KAZN: variants seen among roughly 807,000 people sequenced by gnomAD.
KAZN encodes kazrin, periplakin interacting protein.
A neutral mutation model predicts 87.4 loss-of-function variants in KAZN; 40 were observed. The observed-to-expected ratio is 0.46, with a 90% CI of 0.36 to 0.60. KAZN has a LOEUF of 0.60. Among genes scored for constraint, KAZN ranks in the 20% least tolerant of loss-of-function variants. The probability of loss-of-function intolerance (pLI) is 0.00; values close to 1 mark genes in which losing one functional copy is unlikely to be tolerated. For synonymous variants in KAZN, 466 were observed against 458.3 expected (o/e 1.02, Z -0.22); for missense variants, 898 against 1,073.9 (o/e 0.84, Z 2.29).
chr1:14,835,117 C>G (rs559577704), intron 1 of KAZN, among the ~76,000 whole-genome samples: 2 of 152,206 alleles, frequency 1.3e-5, no homozygotes, highest in Non-Finnish European at 2.9e-5. Context: ...ATCCCGCCAG[C>G]GGGATCAGAG....
intron 2 of KAZN, among the ~76,000 whole-genome samples, chr1:14,969,644 A>C (rs1664808740): frequency 6.6e-6 from 1 of 152,200 alleles, no homozygotes; most frequent in Non-Finnish European, 1.5e-5. Flanking sequence ...ATTTTGATCC[A>C]GTTGATAATA....
intron 8 of KAZN, among the ~76,000 whole-genome samples, chr1:15,087,928 G>A (rs1422086851): frequency 5.9e-5 from 9 of 152,132 alleles, no homozygotes; most frequent in Non-Finnish European, 1.3e-4. Context: ...TATCATCCCC[G>A]TTTTACAGAG....
At chr1:14,774,659 T>G (rs1645124661) in intron 1 of KAZN, among the ~76,000 whole-genome samples, 1 of 151,960 alleles carries the variant, frequency 6.6e-6, no homozygotes, top group Admixed American at 6.6e-5. Flanking sequence ...CATTTTAAAA[T>G]TTTTTAGAAG....
At chr1:14,181,990 C>T (rs1470798732) in intron 2 of KAZN, among the ~76,000 whole-genome samples, 1 of 152,070 alleles carries the variant, frequency 6.6e-6, no homozygotes. Context: ...TTACTAGTGC[C>T]TAGAACTGGA....
At chr1:14,428,462 T>TTGATACAA (rs1294543157) in intron 2 of KAZN, among the ~76,000 whole-genome samples, 5 of 152,284 alleles carry the variant, frequency 3.3e-5, no homozygotes, top group African/African-American at 9.6e-5. Context: ...AAACAAGAAT[T>TTGATACAA]TGATACAAAT....
intron 2 of KAZN, among the ~76,000 whole-genome samples, chr1:14,560,308 T>C (rs1392434534): frequency 6.6e-6 from 1 of 152,142 alleles, no homozygotes; most frequent in Non-Finnish European, 1.5e-5. Context: ...ATGGCCTGGG[T>C]TCAAATTCTG....
intron 1 of KAZN, among the ~76,000 whole-genome samples, chr1:14,073,584 T>C (rs996196131): frequency 5.3e-5 from 8 of 152,038 alleles, no homozygotes; most frequent in Non-Finnish European, 7.3e-5. Flanking sequence ...TGGTGTGTGA[T>C]GTTCCCCTCC....
At chr1:15,089,989 C>T (rs1324527149) in intron 8 of KAZN, among the ~76,000 whole-genome samples, 1 of 152,190 alleles carries the variant, frequency 6.6e-6, no homozygotes, top group Admixed American at 6.5e-5. Context: ...TCCCCTCCTT[C>T]GTGATTTCCC....
At chr1:14,883,623 A>G (rs904716656) in intron 1 of KAZN, among the ~76,000 whole-genome samples, 3 of 151,980 alleles carry the variant, frequency 2.0e-5, no homozygotes, top group Non-Finnish European at 4.4e-5. Flanking sequence ...ACTTATTAGA[A>G]TAATGTACCT....
chr1:14,532,881 T>C (rs1366482701), intron 2 of KAZN, among the ~76,000 whole-genome samples: 1 of 152,064 alleles, frequency 6.6e-6, no homozygotes, highest in Non-Finnish European at 1.5e-5. Flanking sequence ...TGTTGGACAT[T>C]TGGGTTGGTT....
intron 2 of KAZN, among the ~76,000 whole-genome samples, chr1:14,465,518 C>G (rs569229701): frequency 3.3e-5 from 5 of 151,798 alleles, no homozygotes; most frequent in South Asian, 4.2e-4. Context: ...AGCACAGAAC[C>G]AAGGTAGTAG....
At chr1:14,117,175 G>A (rs1644641685) in intron 1 of KAZN, among the ~76,000 whole-genome samples, 1 of 152,170 alleles carries the variant, frequency 6.6e-6, no homozygotes, top group Non-Finnish European at 1.5e-5. Flanking sequence ...TTTGATATGT[G>A]AGGACATGAG....
At chr1:14,286,110 G>A (rs868853693) in intron 2 of KAZN, among the ~76,000 whole-genome samples, 2 of 152,208 alleles carry the variant, frequency 1.3e-5, no homozygotes, top group Admixed American at 6.5e-5. Context: ...CACACACTGC[G>A]TGGCTTGAAC....
intron 1 of KAZN, among the ~76,000 whole-genome samples, chr1:14,774,777 G>C (rs770701002): frequency 2.3e-4 from 35 of 151,594 alleles, no homozygotes; most frequent in Non-Finnish European, 4.1e-4. Context: ...AAGTCACCAT[G>C]CCCAGCCCTT....
At position 14,628,977 on chromosome 1, in the gene KAZN, G is replaced by T. The variant is rs1293775958; in HGVS notation, c.226+29754G>T. ...TTCACCTGCCTCAGCCTCCCGAGTA[G>T]CTGGGACTACAGGTGCCTGCCACCA... On this transcript the variant is annotated intron_variant, in intron 1 of 14. Coordinates refer to ENST00000376030, the MANE Select transcript of KAZN (RefSeq NM_201628.3). Among the ~76,000 whole-genome samples the T allele has an allele frequency of 3.3e-5, 5 of 151,790 alleles. No homozygotes were observed. The East Asian group carries it at 9.7e-4, about 29-fold the overall frequency.
At chr1:14,270,017 C>A (rs1651793579) in intron 2 of KAZN, among the ~76,000 whole-genome samples, 1 of 152,128 alleles carries the variant, frequency 6.6e-6, no homozygotes, top group African/African-American at 2.4e-5. Context: ...GTGCCTGCAC[C>A]TGCTCCGGGC....
chr1:14,388,638 A>G (rs1662158895), intron 2 of KAZN, among the ~76,000 whole-genome samples: 1 of 152,196 alleles, frequency 6.6e-6, no homozygotes, highest in Admixed American at 6.5e-5. Context: ...GGAAAACTGG[A>G]TATCCATATG....
rs191398827 is a variant in KAZN at position 14,414,614 on chromosome 1, G to A, written c.250-184369G>A. 5.8e-5 allele frequency among the ~76,000 whole-genome samples: 7 copies of A among 120,140 alleles called. No homozygotes were observed. The South Asian group carries it at 7.9e-4, about 14-fold the overall frequency. 78.8% of individuals were successfully genotyped at this position (120,140 alleles called of 152,430 possible). On this transcript the variant is annotated intron_variant, in intron 2 of 16. Coordinates refer to the KAZN transcript ENST00000636203. ...TAAAACAATCTTGCATGCACATACC[G>A]TGTGTGTGTGTGTGTATGTGTGTGT...
chr1:14,139,373 T>C (rs928767723), intron 1 of KAZN, among the ~76,000 whole-genome samples: 2 of 152,254 alleles, frequency 1.3e-5, no homozygotes, highest in Non-Finnish European at 2.9e-5. Flanking sequence ...TTGGTTTACC[T>C]GAAATCCATG....
Sources: gnomAD v4.1 joint callset for allele counts (sites outside exome capture counted in the v4.1 genomes callset) on GRCh38, gnomAD v4.1.1 for gene constraint, MANE v1.5 for transcripts, NCBI Gene and HGNC (gene_info 2026-07-23, HGNC 2026-07-21) for gene names.